DENND2C: variants seen among roughly 807,000 people sequenced by gnomAD.
DENND2C encodes DENN domain containing 2C, also known as DENN domain-containing protein 2C.
In DENND2C, 72 loss-of-function variants were observed where a neutral mutation model predicts 112.4. That is an observed-to-expected ratio of 0.64 (90% CI 0.53 to 0.78). DENND2C has a LOEUF of 0.78. Among genes scored for constraint, DENND2C ranks in the 30% least tolerant of loss-of-function variants. The probability of loss-of-function intolerance (pLI) is 0.00; values close to 1 mark genes in which losing one functional copy is unlikely to be tolerated. For missense variants in DENND2C, 992 were observed against 1,113.8 expected (o/e 0.89, Z 1.56); for synonymous variants, 329 against 381.6 (o/e 0.86, Z 1.61).
At position 114,587,886 on chromosome 1, in the gene DENND2C, T is replaced by G; in HGVS notation, c.2498A>C (p.Tyr833Ser). ...VRFFVELVGH[Y>S]SLNMTVTERG... ...CTCAGTGACAGTCATGTTCAAAGAATAATGTCCTACCAACTCCACAAAAAA... is the reference window on the plus strand; with the variant it reads ...CTCAGTGACAGTCATGTTCAAAGAAGAATGTCCTACCAACTCCACAAAAAA... The change falls in exon 19 of 21, where the codon TAT (tyrosine) becomes TCT (serine). Residue 833 changes from tyrosine (Y) to serine (S), a missense_variant. Tyr to Ser is a moderately radical substitution (Grantham distance 144). This residue lies in a region of DENND2C where 516 missense variants were observed against 623.6 expected (regional missense o/e 0.83). Transcript: ENST00000393274. The G allele has an allele frequency of 6.2e-7, 1 of 1,614,146 alleles. No individual in the cohort carries two copies. Among genetic ancestry groups the G allele is most frequent in the Non-Finnish European group, 8.5e-7 (1 of 1,180,030 alleles).
intron 3 of DENND2C, among the ~76,000 whole-genome samples, chr1:114,633,216 G>A (rs780191586): frequency 6.6e-6 from 1 of 152,000 alleles, no homozygotes; most frequent in Admixed American, 6.6e-5. Flanking sequence ...GGAGGCAGAG[G>A]CAGGTGGATC....
Position 114,602,019 on chromosome 1 carries a change from C to G in DENND2C, c.1737+106G>C, listed in dbSNP as rs763942172. 3.0e-4 allele frequency: 327 copies of G among 1,078,606 alleles called. 1 individual carries two copies. The highest frequency in any genetic ancestry group is 4.2e-4 in the Non-Finnish European group (300 of 722,548). The allele number at this position is 1,078,606 out of a possible 1,614,324, so 66.8% of individuals were successfully genotyped here. A position where few individuals can be genotyped will look rare whatever the true frequency, so the allele number is the denominator to read the frequency against. ...AATACAGCTTCCTTAATACACAGAT[C>G]ATTGAGCATCCCTCAAACTCATCTA... On this transcript the variant is annotated intron_variant, in intron 12 of 20. Transcript: ENST00000393274.
At chr1:114,638,807 A>G (rs954471161) in intron 3 of DENND2C, among the ~76,000 whole-genome samples, 4 of 151,570 alleles carry the variant, frequency 2.6e-5, no homozygotes, top group Admixed American at 6.6e-5. Context: ...AAGAAAGAAA[A>G]GAAAGAATAT....
rs571814371 is a variant in DENND2C, at chr1:114,625,052, C to A, written c.806+127G>T. 1.0e-5 allele frequency: 9 copies of A among 871,510 alleles called. No homozygotes were observed. In the African/African-American group the frequency reaches 1.2e-4, roughly 12 times the overall value. 54.0% of individuals were successfully genotyped at this position (871,510 alleles called of 1,614,324 possible). On this transcript the variant is annotated intron_variant, in intron 4 of 20. Coordinates refer to ENST00000393274, the MANE Select transcript of DENND2C (RefSeq NM_001256404.2). ...TATTTTCCTTCCACATTAATCAACA[C>A]CTGCATGTTCAAAGCAGGGGCATCA... is the stretch of plus-strand genomic sequence containing the variant.
intron 8 of DENND2C, among the ~76,000 whole-genome samples, chr1:114,611,728 T>A (rs1557944876): frequency 6.6e-6 from 1 of 152,032 alleles, no homozygotes; most frequent in East Asian, 1.9e-4. Flanking sequence ...GACAAGGGGC[T>A]ATCTTGTTTT....
intron 16 of DENND2C, among the ~76,000 whole-genome samples, chr1:114,596,831 C>T (rs1402431606): frequency 1.3e-5 from 2 of 152,074 alleles, no homozygotes; most frequent in Admixed American, 6.6e-5. Flanking sequence ...TAAGTGGTAT[C>T]GACACAGACG....
At chr1:114,605,883 G>C (rs1220012716) in intron 10 of DENND2C, among the ~76,000 whole-genome samples, 1 of 152,174 alleles carries the variant, frequency 6.6e-6, no homozygotes, top group Non-Finnish European at 1.5e-5. Context: ...CTAATTGCTG[G>C]TTTGGAACTT....
intron 16 of DENND2C, among the ~76,000 whole-genome samples, chr1:114,598,581 C>T (rs946066799): frequency 6.6e-6 from 1 of 152,114 alleles, no homozygotes; most frequent in African/African-American, 2.4e-5. Context: ...TGGCACTGAT[C>T]CCATTGTGGT....
intron 1 of DENND2C, among the ~76,000 whole-genome samples, chr1:114,667,815 C>T (rs1657687322): frequency 6.6e-6 from 1 of 152,126 alleles, no homozygotes; most frequent in African/African-American, 2.4e-5. Flanking sequence ...CTTTTGCTAT[C>T]TAGGTTGTCT....
At chr1:114,638,762 CAAAAA>C (rs35740017) in intron 3 of DENND2C, among the ~76,000 whole-genome samples, 5 of 84,162 alleles carry the variant, frequency 5.9e-5, no homozygotes, top group African/African-American at 8.9e-5. Flanking sequence ...GACCTTGTCT[CAAAAA>C]AAAAAAAAAA....
chr1:114,630,562 G>A (rs1236341164), intron 3 of DENND2C, among the ~76,000 whole-genome samples: 2 of 152,148 alleles, frequency 1.3e-5, no homozygotes, highest in African/African-American at 4.8e-5. Flanking sequence ...AGAAAGTAGG[G>A]TCAGGAGGGA....
chr1:114,647,030 C>T (rs1657009157), intron 2 of DENND2C, among the ~76,000 whole-genome samples: 2 of 152,142 alleles, frequency 1.3e-5, no homozygotes, highest in South Asian at 4.2e-4. Context: ...CGTGGTGGTG[C>T]ATGCCTGTAA....
At chr1:114,599,804 A>T (rs574950257) in intron 15 of DENND2C, among the ~76,000 whole-genome samples, 10 of 152,266 alleles carry the variant, frequency 6.6e-5, no homozygotes, top group African/African-American at 2.2e-4. Flanking sequence ...TTGATGATTT[A>T]CCATTTAAAA....
chr1:114,645,710 T>G (rs1656962872), intron 2 of DENND2C, among the ~76,000 whole-genome samples, 151 bp from the exon 3 acceptor site: 1 of 152,214 alleles, frequency 6.6e-6, no homozygotes, highest in Non-Finnish European at 1.5e-5. Flanking sequence ...GAAATTTGAC[T>G]AGTAAATTTT....
At chr1:114,590,395 A>T (rs1655153205) in intron 18 of DENND2C, among the ~76,000 whole-genome samples, 1 of 152,150 alleles carries the variant, frequency 6.6e-6, no homozygotes, top group Non-Finnish European at 1.5e-5. Flanking sequence ...TATCTCAAAA[A>T]AAAAATTCAT....
At chr1:114,641,684 C>G (rs762346246) in intron 3 of DENND2C, among the ~76,000 whole-genome samples, 21 of 152,074 alleles carry the variant, frequency 1.4e-4, no homozygotes, top group Non-Finnish European at 2.4e-4. Flanking sequence ...TCTTGTCCAG[C>G]CTGAAGAACC....
intron 3 of DENND2C, among the ~76,000 whole-genome samples, chr1:114,638,485 G>A (rs1022124860): frequency 6.6e-6 from 1 of 152,176 alleles, no homozygotes; most frequent in African/African-American, 2.4e-5. Flanking sequence ...GGAGCTGGGT[G>A]CAGTGGCTCA....
intron 2 of DENND2C, among the ~76,000 whole-genome samples, chr1:114,645,928 C>T (rs1354101007): frequency 2.0e-5 from 3 of 151,786 alleles, no homozygotes; most frequent in African/African-American, 7.3e-5. Flanking sequence ...AACAATTTCT[C>T]ATTCTTTTTT....
chr1:114,669,010 T>A (rs1404637262), intron 1 of DENND2C, among the ~76,000 whole-genome samples: 3 of 152,178 alleles, frequency 2.0e-5, no homozygotes, highest in African/African-American at 7.2e-5. Flanking sequence ...GAAAATTTCA[T>A]CAATCATTTA....
Sources: gnomAD v4.1 joint callset for allele counts (sites outside exome capture counted in the v4.1 genomes callset) on GRCh38, gnomAD v4.1.1 for gene constraint, gnomAD v4.1.1 regional missense constraint, MANE v1.5 for transcripts, NCBI Gene and HGNC (gene_info 2026-07-23, HGNC 2026-07-21) for gene names.